ITPR1: variants seen among roughly 807,000 people sequenced by gnomAD.
ITPR1 encodes the protein inositol 1,4,5-trisphosphate receptor type 1.
ITPR1 carries 96 observed loss-of-function variants against 318.4 expected under a neutral mutation model. The ratio of observed to expected loss-of-function variants is 0.30; its 90% CI spans 0.26 to 0.36. ITPR1 has a LOEUF of 0.36. Ranked by LOEUF, ITPR1 falls within the 10% of genes least tolerant of loss-of-function variation. The probability of loss-of-function intolerance (pLI) is 1.00; values close to 1 mark genes in which losing one functional copy is unlikely to be tolerated. For missense variants in ITPR1, 2,440 were observed against 3,460.2 expected (o/e 0.71, Z 7.40); for synonymous variants, 1,312 against 1,289.9 (o/e 1.02, Z -0.37).
intron 4 of ITPR1, among the ~76,000 whole-genome samples, chr3:4,597,869 TCACTAGTGTTCATG>T (rs1170326406): frequency 6.6e-6 from 1 of 152,218 alleles, no homozygotes; most frequent in Non-Finnish European, 1.5e-5. Context: ...AGTGGCCTTC[TCACTAGTGTTCATG>T]CCTGAACTTG....
intron 40 of ITPR1, among the ~76,000 whole-genome samples, chr3:4,719,406 C>T (rs1403673920): frequency 6.6e-6 from 1 of 152,236 alleles, no homozygotes; most frequent in Admixed American, 6.5e-5. Context: ...TACCACAGCT[C>T]CTGTGGTTTC....
At chr3:4,674,430 T>C (rs1459919204) in intron 22 of ITPR1, 87 bp downstream of exon 22, 8 of 1,169,120 alleles carry the variant, frequency 6.8e-6, no homozygotes, top group Non-Finnish European at 9.4e-6. Context: ...TGTGAGTAGG[T>C]TGTGATTTTG....
At chr3:4,816,890 A>G (rs1028810127) in intron 59 of ITPR1, among the ~76,000 whole-genome samples, 1 of 152,050 alleles carries the variant, frequency 6.6e-6, no homozygotes, top group Admixed American at 6.6e-5. Flanking sequence ...TTATGTTATT[A>G]TTATTTCTAC....
chr3:4,758,500 G>A (rs2045184676), intron 44 of ITPR1, among the ~76,000 whole-genome samples: 1 of 152,178 alleles, frequency 6.6e-6, no homozygotes, highest in Admixed American at 6.5e-5. Context: ...CACATTCCAG[G>A]GAGCACCATG....
At chr3:4,580,221 A>T (rs974646830) in intron 4 of ITPR1, among the ~76,000 whole-genome samples, 1 of 152,164 alleles carries the variant, frequency 6.6e-6, no homozygotes, top group Non-Finnish European at 1.5e-5. Context: ...AAAAAAAACC[A>T]AAAAACCTTT....
intron 39 of ITPR1, among the ~76,000 whole-genome samples, chr3:4,715,294 C>T (rs1297836122): frequency 6.6e-6 from 1 of 152,164 alleles, no homozygotes; most frequent in East Asian, 1.9e-4. Flanking sequence ...TTATGTTACA[C>T]GATTATGTAA....
chr3:4,735,287 A>C lies in ITPR1; in HGVS notation c.5477A>C (p.Asp1826Ala), dbSNP rs2043193339. ...GACCTCATCATGAACGCATCCAGTG[A>C]CCGAGTGTTCCATGAAAGCATTCTC... Reference protein sequence around the residue: ...VIDLIMNASSDRVFHESILLA... With the variant: ...VIDLIMNASSARVFHESILLA... The change falls in exon 44 of 62, where the codon GAC becomes GCC. Residue 1826 changes from aspartate to alanine, a missense_variant. Physicochemically the swap from Asp to Ala is moderately radical, Grantham distance 126 (BLOSUM62 -2). Around this residue, in one of 23 missense-constraint regions of ITPR1, gnomAD observed 80 missense variants for 122.0 expected, o/e 0.66. Coordinates refer to ENST00000649015, the MANE Select transcript of ITPR1 (RefSeq NM_001378452.1). The C allele has an allele frequency of 2.2e-5, 35 of 1,613,944 alleles. No homozygotes were observed. The highest frequency in any genetic ancestry group is 2.8e-5 in the Non-Finnish European group (33 of 1,179,858).
At chr3:4,746,664 C>T (rs553346120) in intron 44 of ITPR1, among the ~76,000 whole-genome samples, 1 of 152,224 alleles carries the variant, frequency 6.6e-6, no homozygotes, top group Non-Finnish European at 1.5e-5. Flanking sequence ...CCTCGAGGAG[C>T]CTCCACACGT....
chr3:4,602,386 G>T (rs1167615573), intron 4 of ITPR1, among the ~76,000 whole-genome samples: 4 of 152,052 alleles, frequency 2.6e-5, no homozygotes, highest in Non-Finnish European at 5.9e-5. Context: ...AAATTAGCCA[G>T]GCATGGTGGT....
At chr3:4,619,647 T>C (rs1262802956) in intron 4 of ITPR1, among the ~76,000 whole-genome samples, 1 of 7,102 alleles carries the variant, frequency 1.4e-4, no homozygotes, top group African/African-American at 1.2e-3. Context: ...CCTGCTCTCC[T>C]CTGCTCTCCC....
chr3:4,840,029 C>CT (rs56096727), intron 61 of ITPR1, among the ~76,000 whole-genome samples: 5,729 of 103,820 alleles, frequency 0.055, 1,036 homozygotes, highest in Non-Finnish European at 0.081. Flanking sequence ...AGCATAGCTG[C>CT]TTTTTTTTTT....
intron 53 of ITPR1, among the ~76,000 whole-genome samples, chr3:4,797,384 G>A (rs1294491453): frequency 6.6e-6 from 1 of 152,102 alleles, no homozygotes; most frequent in Non-Finnish European, 1.5e-5. Context: ...GTTAGGATTT[G>A]TTGCATCCTA....
At chr3:4,749,235 C>A (rs151057790) in intron 44 of ITPR1, 2 of 152,336 alleles carry the variant, frequency 1.3e-5, no homozygotes, top group East Asian at 3.9e-4. Context: ...ACTTGCAGAA[C>A]CATAATGGCA....
intron 4 of ITPR1, among the ~76,000 whole-genome samples, chr3:4,597,084 A>G (rs936638789): frequency 6.6e-6 from 1 of 152,220 alleles, no homozygotes; most frequent in African/African-American, 2.4e-5. Flanking sequence ...ATTCGCCTCC[A>G]GCTTCTTGCT....
At chr3:4,808,678 C>T (rs58968433) in intron 55 of ITPR1, among the ~76,000 whole-genome samples, 2 of 152,194 alleles carry the variant, frequency 1.3e-5, no homozygotes, top group African/African-American at 4.8e-5. Flanking sequence ...CCAGAAAACA[C>T]TGACACTTCA....
chr3:4,676,783 G>T lies in ITPR1; in HGVS notation c.2949G>T (p.Lys983Asn). The change falls in exon 24 of 62, where the codon AAG (lysine) becomes AAT (asparagine). Residue 983 changes from lysine to asparagine, a missense_variant. Physicochemically the swap from Lys to Asn is moderately conservative, Grantham distance 94. This residue lies in a region of ITPR1 where 478 missense variants were observed against 696.3 expected (regional missense o/e 0.69). Transcript: ENST00000649015. ...EDIMVMDTKL[K>N]IIEILQFILN... The stretch of plus-strand genomic sequence containing the variant: ...TCATGGTCATGGACACCAAGCTGAA[G>T]ATCATTGAGATACTCCAGGTATCCA... The T allele has an allele frequency of 6.2e-7, 1 of 1,613,248 alleles. No homozygotes were observed. The highest frequency in any genetic ancestry group is 8.5e-7 in the Non-Finnish European group (1 of 1,179,628).
At chr3:4,529,894 G>C (rs2083274831) in intron 4 of ITPR1, among the ~76,000 whole-genome samples, 1 of 152,110 alleles carries the variant, frequency 6.6e-6, no homozygotes, top group African/African-American at 2.4e-5. Flanking sequence ...CTACAGATGA[G>C]GAAACTGACA....
At chr3:4,708,467 C>A (rs2094804548) in intron 37 of ITPR1, among the ~76,000 whole-genome samples, 1 of 152,258 alleles carries the variant, frequency 6.6e-6, no homozygotes, top group East Asian at 1.9e-4. Context: ...CATAACACAA[C>A]CAGTTCTTAA....
chr3:4,647,270 T>C (rs2093479814), intron 10 of ITPR1, among the ~76,000 whole-genome samples: 1 of 152,218 alleles, frequency 6.6e-6, no homozygotes, highest in African/African-American at 2.4e-5. Context: ...ATCATATGGA[T>C]ACACCACAAT....
Sources: allele counts gnomAD v4.1 joint callset (sites outside exome capture counted in the v4.1 genomes callset), GRCh38; gene constraint gnomAD v4.1.1; regional missense constraint gnomAD v4.1.1; transcripts MANE v1.5; gene names NCBI Gene and HGNC (gene_info 2026-07-23, HGNC 2026-07-21).